The following TJP2 variants were observed in gnomAD, a reference collection of about 807,000 sequenced individuals.
TJP2 encodes the protein tight junction protein 2, also known as Friedreich ataxia region gene X104 (tight junction protein ZO-2).
In TJP2, 91 loss-of-function variants were observed where a neutral mutation model predicts 133.1. The observed-to-expected ratio is 0.68, with a 90% confidence interval of 0.58 to 0.81. TJP2 has a LOEUF of 0.81. Among genes scored for constraint, TJP2 ranks in the 40% least tolerant of loss-of-function variants. The pLI, the probability that TJP2 is intolerant of heterozygous loss-of-function variation, is 0.00. For missense variants in TJP2, 1,541 were observed against 1,565.6 expected, an observed-to-expected ratio of 0.98 and a Z score of 0.26; for synonymous variants, 592 against 583.4, an observed-to-expected ratio of 1.01 and a Z score of -0.21.
intron 1 of TJP2, among the ~76,000 whole-genome samples, chr9:69,144,269 A>C (rs1429735380): frequency 6.6e-6 from 1 of 152,160 alleles, no homozygotes; most frequent in Non-Finnish European, 1.5e-5. Context: ...CTCACTTTGG[A>C]GATTTAGGTC....
intron 1 of TJP2, among the ~76,000 whole-genome samples, chr9:69,150,332 T>A (rs1320983687): frequency 6.6e-6 from 1 of 150,564 alleles, no homozygotes; most frequent in South Asian, 2.1e-4. Flanking sequence ...TTCACTCTTG[T>A]CGCCAGGCTG....
chr9:69,253,654 T>C (rs973142572), intron 22 of TJP2: 1 of 180,024 alleles, frequency 5.6e-6, no homozygotes, highest in African/African-American at 2.4e-5. Flanking sequence ...GGTTTCACCA[T>C]GTTGGCCAGG....
intron 2 of TJP2, among the ~76,000 whole-genome samples, chr9:69,157,664 A>G (rs1823842564): frequency 6.6e-6 from 1 of 151,974 alleles, no homozygotes; most frequent in African/African-American, 2.4e-5. Flanking sequence ...CGGGTTTCCC[A>G]TTTTGGCCAG....
At chr9:69,209,184 G>T (rs1588060122) in intron 1 of TJP2, among the ~76,000 whole-genome samples, 1 of 152,208 alleles carries the variant, frequency 6.6e-6, no homozygotes, top group Middle Eastern at 3.4e-3. Context: ...TCACTCTGGA[G>T]TGCAGTGGCG....
intron 1 of TJP2, among the ~76,000 whole-genome samples, chr9:69,176,631 A>G (rs1538583): frequency 0.19 from 28,318 of 152,150 alleles, 2,726 homozygotes; most frequent in Middle Eastern, 0.24. Context: ...CTTAAGACCA[A>G]TGAATTTTTA....
At chr9:69,227,149 C>A (rs978575179) in intron 7 of TJP2, among the ~76,000 whole-genome samples, 2 of 151,424 alleles carry the variant, frequency 1.3e-5, no homozygotes, top group African/African-American at 4.9e-5. Flanking sequence ...AAAGGAATTT[C>A]TTTGTAAAAC....
intron 1 of TJP2, among the ~76,000 whole-genome samples, chr9:69,191,374 ACTGTTGTGTTT>A (rs760270873): frequency 8.5e-5 from 13 of 152,208 alleles, no homozygotes; most frequent in African/African-American, 1.2e-4. Flanking sequence ...TGCAACATGT[ACTGTTGTGTTT>A]CTGAGTTGTT....
At chr9:69,187,732 G>T (rs892480922) in intron 1 of TJP2, among the ~76,000 whole-genome samples, 1 of 152,098 alleles carries the variant, frequency 6.6e-6, no homozygotes, top group East Asian at 1.9e-4. Context: ...AACATTAGGG[G>T]GTGTTGATTG....
chr9:69,210,629 T>C (rs899571639), intron 1 of TJP2, among the ~76,000 whole-genome samples: 3 of 152,172 alleles, frequency 2.0e-5, no homozygotes, highest in African/African-American at 7.2e-5. Context: ...ATCTAAATCT[T>C]GCACTTTTGG....
At chr9:69,197,287 G>A (rs1029382924) in intron 1 of TJP2, among the ~76,000 whole-genome samples, 3 of 152,120 alleles carry the variant, frequency 2.0e-5, no homozygotes, top group Non-Finnish European at 4.4e-5. Flanking sequence ...GATCATCCAT[G>A]TTGTAGCATG....
intron 1 of TJP2, among the ~76,000 whole-genome samples, chr9:69,207,026 T>A (rs973382979): frequency 5.3e-5 from 8 of 152,212 alleles, no homozygotes; most frequent in African/African-American, 1.7e-4. Context: ...AGGAAATTTG[T>A]GTACCTCCCA....
upstream of TJP2, chr9:69,174,260 C>G (rs959138970): frequency 6.6e-7 from 1 of 1,525,400 alleles, no homozygotes; most frequent in Non-Finnish European, 8.8e-7. Flanking sequence ...GGCACCCCGG[C>G]GGTTGGGCTG....
intron 11 of TJP2, 120 bp from the exon 12 acceptor site, chr9:69,234,319 G>A (rs1830002648): frequency 3.6e-6 from 3 of 829,254 alleles, no homozygotes. Flanking sequence ...GACAGGCCCT[G>A]ATGAAAACAA....
chr9:69,228,147 T>G, intron 9 of TJP2, 33 bp downstream of exon 9: 5 of 1,576,238 alleles, frequency 3.2e-6, no homozygotes, highest in Non-Finnish European at 4.3e-6. Flanking sequence ...TTTCAACAGT[T>G]GTGTTCAGAA....
intron 1 of TJP2, chr9:69,204,819 T>C (rs1827270457): frequency 9.3e-7 from 1 of 1,078,932 alleles, no homozygotes; most frequent in Non-Finnish European, 1.1e-6. Flanking sequence ...CTAAAGTGTC[T>C]CATTTACTCA....
intron 17 of TJP2, among the ~76,000 whole-genome samples, chr9:69,245,293 A>G (rs1830844623): frequency 6.6e-6 from 1 of 152,188 alleles, no homozygotes; most frequent in Non-Finnish European, 1.5e-5. Flanking sequence ...TTGGAGGAAA[A>G]CCTGAAGCAT....
intron 1 of TJP2, among the ~76,000 whole-genome samples, chr9:69,189,284 A>T (rs1826056060): frequency 6.6e-6 from 1 of 152,194 alleles, no homozygotes; most frequent in Non-Finnish European, 1.5e-5. Context: ...AGACCTAGGA[A>T]GTCTCCACAT....
intron 18 of TJP2, 137 bp downstream of exon 18, chr9:69,246,927 A>G: frequency 1.3e-6 from 1 of 784,374 alleles, no homozygotes; most frequent in East Asian, 2.6e-5. Flanking sequence ...GAAATTTCGT[A>G]AATTCTCTGA....
At chr9:69,216,221 A>T in intron 2 of TJP2, 118 bp from the exon 3 acceptor site, 1 of 1,232,732 alleles carries the variant, frequency 8.1e-7, no homozygotes. Flanking sequence ...CTGTAAGCCC[A>T]TCTGTTCCTG....
Sources: gnomAD v4.1 joint callset for allele counts (sites outside exome capture counted in the v4.1 genomes callset) on GRCh38, gnomAD v4.1.1 for gene constraint, MANE v1.5 for transcripts, NCBI Gene and HGNC (gene_info 2026-07-23, HGNC 2026-07-21) for gene names.